Variants in FBN2 observed in about 807,000 individuals in gnomAD.
The protein encoded by FBN2 is fibrillin 2.
FBN2 carries 105 observed loss-of-function variants against 355.6 expected under a neutral mutation model. The ratio of observed to expected loss-of-function variants is 0.30; its 90% CI spans 0.25 to 0.35. The LOEUF (loss-of-function observed/expected upper bound fraction) is 0.35, where lower values mean the gene tolerates loss of function less well. FBN2 is among the 10% of genes least tolerant of loss of function. The pLI, the probability that FBN2 is intolerant of heterozygous loss-of-function variation, is 1.00. For missense variants in FBN2, 3,280 were observed against 3,758.7 expected, an observed-to-expected ratio of 0.87 and a Z score of 3.33; for synonymous variants, 1,350 against 1,301.2, an observed-to-expected ratio of 1.04 and a Z score of -0.81.
chr5:128,356,304 T>C lies in FBN2; in HGVS notation c.2674+972A>G, dbSNP rs114259640. On this transcript the variant is annotated intron_variant, in intron 20 of 64. Coordinates refer to ENST00000262464, the MANE Select transcript of FBN2 (RefSeq NM_001999.4). ...AAAGAGAAGGTTTTCATTGATAATT[T>C]TGGACTTGGTCATTTGTCTTTATGT... 5.2e-3 allele frequency among the ~76,000 whole-genome samples: 786 copies of C among 152,322 alleles called. 6 individuals are homozygous for C. The highest frequency in any genetic ancestry group is 0.018 in the African/African-American group (745 of 41,562).
At chr5:128,485,316 C>A (rs1387695503) in intron 5 of FBN2, among the ~76,000 whole-genome samples, 1 of 152,078 alleles carries the variant, frequency 6.6e-6, no homozygotes, top group Non-Finnish European at 1.5e-5. Flanking sequence ...AGCCACCATG[C>A]CTGGCCTGCA....
chr5:128,330,461 A>G, intron 33 of FBN2, 112 bp downstream of exon 33: 1 of 1,121,452 alleles, frequency 8.9e-7, no homozygotes, highest in African/African-American at 1.5e-5. Flanking sequence ...TCAAGTATAA[A>G]AAAAGAGGTA....
chr5:128,335,695 A>C, intron 28 of FBN2, 118 bp from the exon 29 acceptor site: 1 of 1,207,846 alleles, frequency 8.3e-7, no homozygotes, highest in Non-Finnish European at 1.2e-6. Context: ...ATGTGTGTTG[A>C]TTGAACATTA....
chr5:128,343,023 C>A (rs1045372234), intron 25 of FBN2, among the ~76,000 whole-genome samples: 1 of 152,048 alleles, frequency 6.6e-6, no homozygotes, highest in Non-Finnish European at 1.5e-5. Flanking sequence ...CCACCATGCC[C>A]AGCGGGATAA....
Position 128,354,911 on chromosome 5 carries a change from G to A in FBN2, c.2674+2365C>T, listed in dbSNP as rs138158231. Among the ~76,000 whole-genome samples the A allele has an allele frequency of 8.7e-4, 132 of 152,300 alleles. 1 individual carries two copies. The highest frequency in any genetic ancestry group is 1.6e-3 in the Non-Finnish European group (110 of 68,018). ...AACACAAATCTGGAATTGGTGGCAAGGTTGAGGCCTAGAATTTCATTATCA... is the reference window on the plus strand; with the variant it reads ...AACACAAATCTGGAATTGGTGGCAAAGTTGAGGCCTAGAATTTCATTATCA... On this transcript the variant is annotated intron_variant, in intron 20 of 64. Coordinates refer to ENST00000262464, the MANE Select transcript of FBN2 (RefSeq NM_001999.4).
At chr5:128,316,196 A>C (rs1375465852) in intron 36 of FBN2, among the ~76,000 whole-genome samples, 1 of 152,240 alleles carries the variant, frequency 6.6e-6, no homozygotes, top group Non-Finnish European at 1.5e-5. Context: ...GAAGGATGAT[A>C]AAACAGTGAC....
At chr5:128,337,943 C>A in intron 27 of FBN2, 54 bp downstream of exon 27, 1 of 1,602,932 alleles carries the variant, frequency 6.2e-7, no homozygotes, top group Non-Finnish European at 8.5e-7. Flanking sequence ...GAACTGATCC[C>A]TGGTCTTTAC....
intron 4 of FBN2, among the ~76,000 whole-genome samples, chr5:128,524,989 C>T (rs1007756888): frequency 6.6e-6 from 1 of 152,050 alleles, no homozygotes; most frequent in Non-Finnish European, 1.5e-5. Flanking sequence ...ATTTTAGAAG[C>T]GGAAAGTCCT....
At chr5:128,519,935 A>G (rs1256540910) in intron 4 of FBN2, among the ~76,000 whole-genome samples, 1 of 152,154 alleles carries the variant, frequency 6.6e-6, no homozygotes, top group Admixed American at 6.6e-5. Context: ...AAAAGGGGGG[A>G]AAATACCATC....
intron 8 of FBN2, among the ~76,000 whole-genome samples, chr5:128,407,942 G>GT (rs1416253165): frequency 1.3e-5 from 2 of 152,148 alleles, no homozygotes; most frequent in African/African-American, 4.8e-5. Context: ...TTAAGTATTG[G>GT]ATTAATTTTC....
At chr5:128,324,705 C>G (rs996398107) in intron 34 of FBN2, among the ~76,000 whole-genome samples, 1 of 151,448 alleles carries the variant, frequency 6.6e-6, no homozygotes, top group Non-Finnish European at 1.5e-5. Context: ...GCAAGCTCTG[C>G]CTCCCGGGTT....
chr5:128,325,401 C>G (rs551081130), intron 34 of FBN2, among the ~76,000 whole-genome samples: 3 of 152,346 alleles, frequency 2.0e-5, no homozygotes, highest in African/African-American at 7.2e-5. Context: ...GGCTTAAAGT[C>G]TGTCTTATCA....
At position 128,376,792 on chromosome 5, in the gene FBN2, G is replaced by A. The variant is rs537558351; in HGVS notation, c.1911C>T (p.Gly637=). The A allele has an allele frequency of 6.2e-7, 1 of 1,613,278 alleles. No homozygotes were observed. The highest frequency in any genetic ancestry group is 1.3e-5 in the African/African-American group (1 of 74,874). ...CLNGMCINED[G]SFKCICKPGF... is the part of the protein sequence containing the mutation. ...CTGGTTTGCAGATGCACTTGAAGCT[G>A]CCATCTTCATTGATGCACATTCCAT... The change falls in exon 14 of 65, where the codon GGC becomes GGT. Residue 637 remains glycine (G), a synonymous_variant. Coordinates refer to ENST00000262464, the MANE Select transcript of FBN2 (RefSeq NM_001999.4).
intron 9 of FBN2, 86 bp from the exon 10 acceptor site, chr5:128,393,454 T>TG (rs1752574417): frequency 1.1e-5 from 12 of 1,100,300 alleles, no homozygotes; most frequent in Non-Finnish European, 1.7e-5. Flanking sequence ...TAAGTCACTT[T>TG]GGGTTACCTA....
intron 3 of FBN2, 97 bp downstream of exon 3, chr5:128,530,498 A>G (rs940645073): frequency 2.7e-5 from 21 of 792,056 alleles, no homozygotes; most frequent in Admixed American, 2.1e-4. Context: ...AACTAAAGTA[A>G]TAACAGTTAA....
chr5:128,527,901 T>G lies in FBN2; in HGVS notation c.503A>C (p.Lys168Thr). The G allele has an allele frequency of 1.2e-6, 2 of 1,612,184 alleles. No homozygotes were observed. The highest frequency in any genetic ancestry group is 1.7e-6 in the Non-Finnish European group (2 of 1,178,584). The change falls in exon 4 of 65, where the codon AAA (lysine) becomes ACA (threonine). Residue 168 changes from lysine (K) to threonine (T), a missense_variant. Physicochemically the swap from Lys to Thr is moderately conservative, Grantham distance 78 (BLOSUM62 -1). Coordinates refer to ENST00000262464, the MANE Select transcript of FBN2 (RefSeq NM_001999.4). ...TCCACAATAAGTTCCAATATATCCT[T>G]TCTGGCACTGGCAGTGGTCATCTGC... The part of the protein sequence containing the change: ...TCADDHCQCQ[K>T]GYIGTYCGQP...
chr5:128,422,063 G>A (rs1366338767), intron 7 of FBN2, among the ~76,000 whole-genome samples: 1 of 152,156 alleles, frequency 6.6e-6, no homozygotes, highest in Non-Finnish European at 1.5e-5. Context: ...AGGAACGAGG[G>A]TAGCCTCTCG....
At chr5:128,287,139 T>C (rs938617887) in intron 54 of FBN2, among the ~76,000 whole-genome samples, 169 bp downstream of exon 54, 1 of 152,226 alleles carries the variant, frequency 6.6e-6, no homozygotes, top group African/African-American at 2.4e-5. Context: ...TTTACAAAAA[T>C]ACCATCATGT....
intron 5 of FBN2, among the ~76,000 whole-genome samples, chr5:128,518,061 T>C (rs1412325128): frequency 6.6e-6 from 1 of 152,146 alleles, no homozygotes; most frequent in Non-Finnish European, 1.5e-5. Context: ...TTAGATAGCT[T>C]ACACACAGCA....
Sources: allele counts gnomAD v4.1 joint callset (sites outside exome capture counted in the v4.1 genomes callset), GRCh38; gene constraint gnomAD v4.1.1; transcripts MANE v1.5; gene names NCBI Gene and HGNC (gene_info 2026-07-23, HGNC 2026-07-21).